The following DLGAP1 variants were observed in gnomAD, a reference collection of about 807,000 sequenced individuals.
DLGAP1 encodes the protein DLG associated protein 1, also known as disks large-associated protein 1.
A neutral mutation model predicts 90.8 loss-of-function variants in DLGAP1; 11 were observed. The observed-to-expected ratio is 0.12, with a 90% CI of 0.08 to 0.20. The LOEUF (loss-of-function observed/expected upper bound fraction) is 0.20. DLGAP1 is among the 10% of genes least tolerant of loss of function. The pLI, the probability that DLGAP1 is intolerant of heterozygous loss-of-function variation, is 1.00. For synonymous variants in DLGAP1, 558 were observed against 540.7 expected (o/e 1.03, Z -0.44); for missense variants, 1,050 against 1,333.8 (o/e 0.79, Z 3.31).
intron 12 of DLGAP1, among the ~76,000 whole-genome samples, chr18:3,501,018 A>G: frequency 6.6e-6 from 1 of 151,996 alleles, no homozygotes. Flanking sequence ...GAGTTCAAGC[A>G]ATCCTCCCAC....
chr18:3,858,530 A>ATG (rs2069816823), intron 4 of DLGAP1, among the ~76,000 whole-genome samples: 1 of 143,038 alleles, frequency 7.0e-6, no homozygotes, highest in Non-Finnish European at 1.5e-5. Flanking sequence ...ATATATATGC[A>ATG]CACACACACA....
chr18:3,837,849 C>CAAAAAAA lies in DLGAP1; in HGVS notation c.958-23583_958-23577dup, dbSNP rs5822770. Among the ~76,000 whole-genome samples, 232 of 26,826 alleles carry CAAAAAAA rather than the reference C, an allele frequency of 8.6e-3. 40 individuals are homozygous for CAAAAAAA. Among genetic ancestry groups the CAAAAAAA allele is most frequent in the South Asian group, 0.02 (6 of 302 alleles). 17.6% of individuals were successfully genotyped at this position (26,826 alleles called of 152,430 possible). A position where few individuals can be genotyped will look rare whatever the true frequency, so the allele number is the denominator to read the frequency against. On this transcript the variant is annotated intron_variant, in intron 4 of 12. Transcript: ENST00000315677. Reference sequence around the variant, plus strand: ...CCTGGGCGACAGAGTGAGATTCTGTCAAAAAAAAAAAAAAAAAAAAAAAAA... The same window carrying CAAAAAAA: ...CCTGGGCGACAGAGTGAGATTCTGTCAAAAAAAAAAAAAAAAAAAAAAAAAAAAAAAA...
chr18:3,715,541 C>T (rs1035001720), intron 7 of DLGAP1, among the ~76,000 whole-genome samples: 3 of 152,170 alleles, frequency 2.0e-5, no homozygotes, highest in African/African-American at 7.2e-5. Context: ...GAATGGATAA[C>T]GATGATGATG....
chr18:4,385,192 A>T (rs1462959), intron 1 of DLGAP1, among the ~76,000 whole-genome samples: 44,907 of 152,066 alleles, frequency 0.3, 6,841 homozygotes, highest in South Asian at 0.39. Context: ...AGATCACTAA[A>T]TTCCTCTCTT....
chr18:4,304,668 C>G (rs905468537), intron 1 of DLGAP1, among the ~76,000 whole-genome samples: 2 of 152,210 alleles, frequency 1.3e-5, no homozygotes, highest in Non-Finnish European at 2.9e-5. Context: ...TGGTGGCTCA[C>G]GCCTGTAATC....
intron 2 of DLGAP1, among the ~76,000 whole-genome samples, chr18:4,080,354 T>C (rs2075587595): frequency 6.6e-6 from 1 of 151,830 alleles, no homozygotes; most frequent in Non-Finnish European, 1.5e-5. Flanking sequence ...ATTAAAGAAA[T>C]GAGCAGGACC....
rs573746264 is a variant in DLGAP1 at position 3,810,568 on chromosome 18, G to A, written c.1172+3491C>T. Among the ~76,000 whole-genome samples, 3 of 152,230 alleles carry A rather than the reference G, an allele frequency of 2.0e-5. No individual in the cohort carries two copies. In the South Asian group the frequency reaches 6.2e-4, roughly 32 times the overall value. On this transcript the variant is annotated intron_variant, in intron 5 of 12. Transcript: ENST00000315677. ...AAAAATCGACTTAAATGTCAAAGAA[G>A]TAGGAACATAAATATAGTTTTCTTT... is the stretch of plus-strand genomic sequence containing the variant.
intron 9 of DLGAP1, among the ~76,000 whole-genome samples, chr18:3,551,772 T>TTCC (rs1568180894): frequency 4.3e-5 from 4 of 92,690 alleles, no homozygotes; most frequent in African/African-American, 1.8e-4. Context: ...TCCTTCCTTC[T>TTCC]TTCCTTCCTT....
At chr18:4,231,521 CA>C in intron 1 of DLGAP1, among the ~76,000 whole-genome samples, 1 of 152,250 alleles carries the variant, frequency 6.6e-6, no homozygotes, top group South Asian at 2.1e-4. Flanking sequence ...TACTGTGAAG[CA>C]ATTAGATTTT....
In DLGAP1 at chr18:3,837,162, A is replaced by G. The variant is rs556977028; in HGVS notation, c.958-22889T>C. Among the ~76,000 whole-genome samples the G allele has an allele frequency of 4.6e-5, 7 of 152,248 alleles. No individual in the cohort carries two copies. In the South Asian group the frequency reaches 1.5e-3, roughly 32 times the overall value. On this transcript the variant is annotated intron_variant, in intron 4 of 12. Transcript: ENST00000315677. ...AGATGTGTTTTCTATCTTCCTTCCA[A>G]TTTTGGGTGCTATGATGTAACAGGA...
chr18:4,309,096 G>A (rs888550229), intron 1 of DLGAP1, among the ~76,000 whole-genome samples: 6 of 152,164 alleles, frequency 3.9e-5, no homozygotes, highest in African/African-American at 1.4e-4. Flanking sequence ...GTAAGATGTA[G>A]GTAGGTAGGT....
At chr18:3,776,881 C>G (rs2064963598) in intron 5 of DLGAP1, among the ~76,000 whole-genome samples, 1 of 152,200 alleles carries the variant, frequency 6.6e-6, no homozygotes, top group Non-Finnish European at 1.5e-5. Flanking sequence ...GCCTCAACCT[C>G]CCAGGCTCAA....
In DLGAP1 at chr18:3,498,881, T is replaced by G. The variant is rs891997744; in HGVS notation, c.*304A>C. 3.3e-5 allele frequency: 14 copies of G among 424,380 alleles called. No homozygotes were observed. Among genetic ancestry groups the G allele is most frequent in the African/African-American group, 6.3e-5 (3 of 47,364 alleles). 26.3% of individuals were successfully genotyped at this position (424,380 alleles called of 1,614,324 possible). On this transcript the variant is annotated 3_prime_UTR_variant, in exon 13 of 13. Coordinates refer to ENST00000315677, the MANE Select transcript of DLGAP1 (RefSeq NM_004746.4). ...CGGCGGGTGACCTAAAGGCATCACT[T>G]CTACACAGGTGGGTTTGGCTTTGCC... is the stretch of plus-strand genomic sequence containing the variant.
At chr18:3,760,470 T>G (rs2063916069) in intron 5 of DLGAP1, among the ~76,000 whole-genome samples, 1 of 152,188 alleles carries the variant, frequency 6.6e-6, no homozygotes. Context: ...AATACTTCAA[T>G]GTGCCTAGCA....
rs143744472 is a variant in DLGAP1 at position 3,727,656 on chromosome 18, C to G, written c.1591+1479G>C. On this transcript the variant is annotated intron_variant, in intron 7 of 12. Transcript: ENST00000315677. This position sits in a 1 kb window ranked among gnomAD's most constrained non-coding sequence, Gnocchi z 4.7. ...GATAAGCTACAGGGACAGGGCAGACCTTCCAAATCACACTTACTGCATGAA... is the reference window on the plus strand; with the variant it reads ...GATAAGCTACAGGGACAGGGCAGACGTTCCAAATCACACTTACTGCATGAA... 1.2e-4 allele frequency: 18 copies of G among 152,312 alleles called. 1 individual carries two copies. The highest frequency in any genetic ancestry group is 4.1e-4 in the African/African-American group (17 of 41,574). 9.4% of individuals were successfully genotyped at this position (152,312 alleles called of 1,614,324 possible).
intron 3 of DLGAP1, among the ~76,000 whole-genome samples, chr18:3,907,211 C>T (rs1268841624): frequency 1.3e-5 from 2 of 152,172 alleles, no homozygotes; most frequent in African/African-American, 4.8e-5. Context: ...CTTCCTGATA[C>T]AGTATTAGGA....
chr18:3,792,095 T>C (rs1598762551), intron 5 of DLGAP1, among the ~76,000 whole-genome samples: 1 of 152,148 alleles, frequency 6.6e-6, no homozygotes, highest in East Asian at 1.9e-4. Flanking sequence ...GCAGAAGCCC[T>C]ATGCCCCAGC....
intron 1 of DLGAP1, among the ~76,000 whole-genome samples, chr18:4,256,511 A>G (rs1215502901): frequency 6.6e-6 from 1 of 152,220 alleles, no homozygotes; most frequent in Non-Finnish European, 1.5e-5. Flanking sequence ...ATTTACTCAG[A>G]CTTACTCAAC....
chr18:4,254,686 T>C (rs1351373127), intron 1 of DLGAP1, among the ~76,000 whole-genome samples: 1 of 151,692 alleles, frequency 6.6e-6, no homozygotes, highest in African/African-American at 2.4e-5. Flanking sequence ...TGTGTTCTGG[T>C]TTATGAAAAT....
Sources: gnomAD v4.1 joint callset for allele counts (sites outside exome capture counted in the v4.1 genomes callset) on GRCh38, gnomAD v4.1.1 for gene constraint, Gnocchi (gnomAD v3.1) non-coding constraint, MANE v1.5 for transcripts, NCBI Gene and HGNC (gene_info 2026-07-23, HGNC 2026-07-21) for gene names.